The following SYT1 variants were observed in gnomAD, a reference collection of about 807,000 sequenced individuals.
The protein encoded by SYT1 is synaptotagmin-1.
SYT1 carries 8 observed loss-of-function variants against 44.8 expected under a neutral mutation model. The ratio of observed to expected loss-of-function variants is 0.18; its 90% confidence interval spans 0.10 to 0.32. SYT1 has a LOEUF of 0.32. Among genes scored for constraint, SYT1 ranks in the 10% least tolerant of loss-of-function variants. The probability of loss-of-function intolerance (pLI) is 1.00; values close to 1 mark genes in which losing one functional copy is unlikely to be tolerated. For synonymous variants in SYT1, 154 were observed against 188.8 expected, an observed-to-expected ratio of 0.82 and a Z score of 1.51; for missense variants, 286 against 509.3, an observed-to-expected ratio of 0.56 and a Z score of 4.22.
chr12:78,976,711 T>A (rs1470501388), intron 1 of SYT1: 1 of 152,204 alleles, frequency 6.6e-6, no homozygotes, highest in Non-Finnish European at 1.5e-5. Flanking sequence ...TTGGAGTCAC[T>A]GGAATCGACA....
At position 79,018,738 on chromosome 12, in the gene SYT1, C is replaced by T. The variant is rs1194521090; in HGVS notation, c.-83-28559C>T. 2.6e-5 allele frequency among the ~76,000 whole-genome samples: 4 copies of T among 151,932 alleles called. No individual in the cohort carries two copies. In the East Asian group the frequency reaches 7.7e-4, roughly 29 times the overall value. On this transcript the variant is annotated intron_variant, in intron 2 of 10. Coordinates refer to ENST00000261205, the MANE Select transcript of SYT1 (RefSeq NM_005639.3). Reference sequence around the variant, plus strand: ...GCTCCTTATGGGTATCATTATTTACCTTCAGTAAGCATAAAGACTGGGTTC... The same window carrying T: ...GCTCCTTATGGGTATCATTATTTACTTTCAGTAAGCATAAAGACTGGGTTC...
At chr12:79,155,199 A>G (rs190260534) in intron 3 of SYT1, among the ~76,000 whole-genome samples, 34 of 152,322 alleles carry the variant, frequency 2.2e-4, no homozygotes, top group African/African-American at 8.2e-4. Flanking sequence ...AGACCAAACA[A>G]ATGTAAGAGA....
chr12:79,349,045 G>GAAAGAAAAAGAAAGAA (rs1565919957), intron 8 of SYT1, among the ~76,000 whole-genome samples: 1 of 115,768 alleles, frequency 8.6e-6, no homozygotes, highest in African/African-American at 3.3e-5. Context: ...AAGAAAGAAA[G>GAAAGAAAAAGAAAGAA]AAAGAAAGAA....
chr12:78,972,112 T>A (rs1009258595), intron 1 of SYT1, among the ~76,000 whole-genome samples: 1 of 152,132 alleles, frequency 6.6e-6, no homozygotes, highest in African/African-American at 2.4e-5. Flanking sequence ...AACAAACAAT[T>A]GAACGGTGTA....
intron 2 of SYT1, among the ~76,000 whole-genome samples, chr12:78,978,640 T>C (rs2137427461): frequency 6.6e-6 from 1 of 152,190 alleles, no homozygotes; most frequent in East Asian, 1.9e-4. Context: ...TACACACAAT[T>C]CTATGAAGTA....
At chr12:79,268,239 G>GGC (rs2138756845) in intron 4 of SYT1, among the ~76,000 whole-genome samples, 1 of 152,092 alleles carries the variant, frequency 6.6e-6, no homozygotes, top group East Asian at 1.9e-4. Context: ...TGAGTTTATG[G>GGC]GCAAAGAGAG....
intron 3 of SYT1, among the ~76,000 whole-genome samples, chr12:79,179,668 C>T (rs1023242350): frequency 6.6e-6 from 1 of 151,606 alleles, no homozygotes; most frequent in Non-Finnish European, 1.5e-5. Flanking sequence ...GATCAGCCCA[C>T]TTCCGCCTCC....
intron 9 of SYT1, among the ~76,000 whole-genome samples, chr12:79,442,669 TGACA>T (rs893811656): frequency 2.2e-4 from 33 of 152,286 alleles, no homozygotes; most frequent in African/African-American, 7.0e-4. Flanking sequence ...ATAGTGAATA[TGACA>T]GACAAAGTGT....
At chr12:78,907,730 T>G (rs954365456) in intron 1 of SYT1, among the ~76,000 whole-genome samples, 6 of 152,064 alleles carry the variant, frequency 3.9e-5, no homozygotes, top group Middle Eastern at 3.2e-3. Context: ...CAGTTATTAC[T>G]GTCATGAAGC....
intron 4 of SYT1, among the ~76,000 whole-genome samples, chr12:79,262,566 T>A (rs1283148662): frequency 6.6e-6 from 1 of 152,218 alleles, no homozygotes; most frequent in African/African-American, 2.4e-5. Flanking sequence ...ATTCTTGAGA[T>A]TATACCTGAG....
At chr12:79,174,579 A>T (rs1401459597) in intron 3 of SYT1, among the ~76,000 whole-genome samples, 1 of 152,014 alleles carries the variant, frequency 6.6e-6, no homozygotes, top group Non-Finnish European at 1.5e-5. Context: ...CAGAGTATAT[A>T]TGTGGCCTGG....
intron 1 of SYT1, among the ~76,000 whole-genome samples, chr12:78,884,182 A>G (rs1321933194): frequency 6.6e-6 from 1 of 151,674 alleles, no homozygotes; most frequent in African/African-American, 2.4e-5. Flanking sequence ...TTTAAAATCA[A>G]CATTCCATGA....
intron 3 of SYT1, among the ~76,000 whole-genome samples, chr12:79,074,758 T>G (rs1041939380): frequency 3.9e-5 from 6 of 152,114 alleles, no homozygotes; most frequent in Admixed American, 6.6e-5. Context: ...TCTCTGAGCA[T>G]CAGCTGATGC....
At chr12:79,138,054 C>G (rs1375700420) in intron 3 of SYT1, among the ~76,000 whole-genome samples, 1 of 152,168 alleles carries the variant, frequency 6.6e-6, no homozygotes, top group Admixed American at 6.5e-5. Context: ...TTCACCATGA[C>G]AAGAAGGGCA....
chr12:78,943,398 A>G (rs1206133506), intron 1 of SYT1, among the ~76,000 whole-genome samples: 2 of 152,116 alleles, frequency 1.3e-5, no homozygotes, highest in Non-Finnish European at 2.9e-5. Flanking sequence ...GGCACCTCAC[A>G]TGGTCAGAGC....
chr12:79,009,097 T>G (rs1251571613), intron 2 of SYT1, among the ~76,000 whole-genome samples: 1 of 152,158 alleles, frequency 6.6e-6, no homozygotes, highest in African/African-American at 2.4e-5. Context: ...CATGTTTAAC[T>G]TGCACGAAGA....
chr12:79,078,836 G>A (rs982788861), intron 3 of SYT1, among the ~76,000 whole-genome samples: 17 of 152,144 alleles, frequency 1.1e-4, no homozygotes, highest in African/African-American at 3.9e-4. Context: ...CTGGTTTAGA[G>A]TTTCAAGAAG....
At chr12:78,926,506 A>G (rs1453753997) in intron 1 of SYT1, 1 of 152,134 alleles carries the variant, frequency 6.6e-6, no homozygotes, top group East Asian at 1.9e-4. Context: ...TATCCTTACT[A>G]AAGCATCTTT....
intron 5 of SYT1, 89 bp downstream of exon 5, chr12:79,286,060 C>A (rs1879299957): frequency 1.4e-6 from 2 of 1,404,244 alleles, no homozygotes; most frequent in Admixed American, 2.7e-5. Flanking sequence ...CAGAAATAAA[C>A]AACTTCTGGA....
Sources: allele counts gnomAD v4.1 joint callset (sites outside exome capture counted in the v4.1 genomes callset), GRCh38; gene constraint gnomAD v4.1.1; transcripts MANE v1.5; gene names NCBI Gene and HGNC (gene_info 2026-07-23, HGNC 2026-07-21).